The following TMEM51 variants were observed in gnomAD, a reference collection of about 807,000 sequenced individuals.
TMEM51 encodes transmembrane protein 51.
A neutral mutation model predicts 13.6 loss-of-function variants in TMEM51; 8 were observed. That is an observed-to-expected ratio of 0.59 (90% CI 0.35 to 1.07). The LOEUF (loss-of-function observed/expected upper bound fraction) is 1.07. Ranked by LOEUF, TMEM51 falls within the 50% of genes least tolerant of loss-of-function variation. The pLI is 0.02. For missense variants in TMEM51, 279 were observed against 330.7 expected, an observed-to-expected ratio of 0.84 and a Z score of 1.21; for synonymous variants, 147 against 144.4, an observed-to-expected ratio of 1.02 and a Z score of -0.13.
intron 1 of TMEM51, among the ~76,000 whole-genome samples, chr1:15,165,836 C>A (rs1174990984): frequency 5.3e-5 from 8 of 151,990 alleles, no homozygotes; most frequent in Admixed American, 5.2e-4. Context: ...CATTGTACAT[C>A]AAATTTTTCA....
intron 1 of TMEM51, among the ~76,000 whole-genome samples, chr1:15,193,895 T>C: frequency 6.6e-6 from 1 of 152,200 alleles, no homozygotes; most frequent in East Asian, 1.9e-4. Flanking sequence ...TGAAGGGCAT[T>C]GCCAGGGGTG....
intron 3 of TMEM51, among the ~76,000 whole-genome samples, chr1:15,217,094 A>G (rs1644443355): frequency 6.6e-6 from 1 of 152,240 alleles, no homozygotes; most frequent in Non-Finnish European, 1.5e-5. Context: ...GTGGGAATGT[A>G]AATTAGTGCA....
intron 1 of TMEM51, among the ~76,000 whole-genome samples, chr1:15,164,002 G>A (rs1207513428): frequency 1.3e-5 from 2 of 151,836 alleles, no homozygotes; most frequent in Non-Finnish European, 2.9e-5. Context: ...GCTAATTTTT[G>A]TATTTTTAGT....
intron 3 of TMEM51, among the ~76,000 whole-genome samples, chr1:15,215,903 TG>T (rs1396672164): frequency 6.6e-6 from 1 of 152,116 alleles, no homozygotes; most frequent in Non-Finnish European, 1.5e-5. Flanking sequence ...GGCACATGCC[TG>T]TAGTCCCAGC....
intron 1 of TMEM51, among the ~76,000 whole-genome samples, chr1:15,194,945 CA>C (rs1358693199): frequency 9.4e-6 from 1 of 105,844 alleles, no homozygotes; most frequent in Non-Finnish European, 1.8e-5. Flanking sequence ...TTTTTTGAGA[CA>C]GGGTCTTGCT....
At chr1:15,187,496 A>G (rs1253999601) in intron 1 of TMEM51, among the ~76,000 whole-genome samples, 1 of 152,110 alleles carries the variant, frequency 6.6e-6, no homozygotes, top group Non-Finnish European at 1.5e-5. Context: ...TGCCCGGCCC[A>G]TGGGGGCAGA....
At chr1:15,167,948 T>TA (rs1357320423) in intron 1 of TMEM51, among the ~76,000 whole-genome samples, 1 of 152,206 alleles carries the variant, frequency 6.6e-6, no homozygotes, top group Admixed American at 6.5e-5. Flanking sequence ...GCACATGGTA[T>TA]AAAAAAATCA....
intron 1 of TMEM51, among the ~76,000 whole-genome samples, chr1:15,177,445 G>A (rs1018482029): frequency 3.9e-5 from 6 of 152,114 alleles, no homozygotes; most frequent in Non-Finnish European, 5.9e-5. Flanking sequence ...ACCAGGGGCC[G>A]GGGAGGATGG....
chr1:15,185,610 T>C (rs1643749960), intron 1 of TMEM51, among the ~76,000 whole-genome samples: 1 of 152,262 alleles, frequency 6.6e-6, no homozygotes, highest in South Asian at 2.1e-4. Context: ...CGTGTCTATA[T>C]GTGAGGTTGG....
At chr1:15,200,896 C>T (rs1168147175) in intron 1 of TMEM51, among the ~76,000 whole-genome samples, 1 of 152,106 alleles carries the variant, frequency 6.6e-6, no homozygotes, top group Non-Finnish European at 1.5e-5. Context: ...TGAAACTGAC[C>T]TAGGGAAAGT....
chr1:15,192,047 C>A, intron 1 of TMEM51: 1 of 527,080 alleles, frequency 1.9e-6, no homozygotes, highest in South Asian at 1.4e-5. Flanking sequence ...GTGATGTTGT[C>A]ATGATGAGGA....
chr1:15,195,568 T>C (rs1644031151), intron 1 of TMEM51, among the ~76,000 whole-genome samples: 1 of 152,126 alleles, frequency 6.6e-6, no homozygotes, highest in African/African-American at 2.4e-5. Context: ...AAGGAACCGG[T>C]TTGCCCTCAT....
chr1:15,199,389 C>T, intron 1 of TMEM51, among the ~76,000 whole-genome samples: 1 of 152,108 alleles, frequency 6.6e-6, no homozygotes, highest in East Asian at 1.9e-4. Context: ...CCCTCCTTGC[C>T]CTCCCAAAGT....
chr1:15,198,829 G>T (rs1401964158), intron 1 of TMEM51, among the ~76,000 whole-genome samples: 2 of 152,218 alleles, frequency 1.3e-5, no homozygotes, highest in African/African-American at 2.4e-5. Flanking sequence ...AGAGCAGCAG[G>T]CTCACTGTGC....
chr1:15,215,507 T>C, intron 3 of TMEM51, 76 bp downstream of exon 3: 1 of 1,335,414 alleles, frequency 7.5e-7, no homozygotes, highest in South Asian at 1.5e-5. Flanking sequence ...TTCACACCTT[T>C]CCGTGGTGAA....
chr1:15,219,182 T>G (rs1644473443), intron 3 of TMEM51, 144 bp from the exon 4 acceptor site: 3 of 790,580 alleles, frequency 3.8e-6, no homozygotes, highest in African/African-American at 1.7e-5. Context: ...AGTAAACACT[T>G]GAAGTATTCA....
At chr1:15,163,719 ATT>A (rs1642877740) in intron 1 of TMEM51, among the ~76,000 whole-genome samples, 1 of 148,590 alleles carries the variant, frequency 6.7e-6, no homozygotes, top group Admixed American at 6.9e-5. Context: ...CTTTAAATAA[ATT>A]TTTGTTTAAT....
In TMEM51 at chr1:15,219,878, G is replaced by A. The variant is rs555295238; in HGVS notation, c.*135G>A. The A allele has an allele frequency of 9.5e-4, 936 of 987,660 alleles. 6 individuals are homozygous for A. In the African/African-American group the frequency reaches 0.013, roughly 14 times the overall value. The allele number at this position is 987,660 out of a possible 1,614,324, so 61.2% of individuals were successfully genotyped here. On this transcript the variant is annotated 3_prime_UTR_variant, in exon 4 of 4. Transcript: ENST00000376008. ...GGAGCCATTTGGATGGCGGCGGGCGGGGGGGGATTCTCTGTATCAGGAGTG... is the reference window on the plus strand; with the variant it reads ...GGAGCCATTTGGATGGCGGCGGGCGAGGGGGGATTCTCTGTATCAGGAGTG...
At chr1:15,166,744 C>T (rs1422880536) in intron 1 of TMEM51, among the ~76,000 whole-genome samples, 2 of 152,022 alleles carry the variant, frequency 1.3e-5, no homozygotes, top group African/African-American at 4.8e-5. Flanking sequence ...AGAAAATACT[C>T]GCCCAGCATT....
Sources: gnomAD v4.1 joint callset for allele counts (sites outside exome capture counted in the v4.1 genomes callset) on GRCh38, gnomAD v4.1.1 for gene constraint, MANE v1.5 for transcripts, NCBI Gene and HGNC (gene_info 2026-07-23, HGNC 2026-07-21) for gene names.